The following CACNA2D3 variants were observed in gnomAD, a reference collection of about 807,000 sequenced individuals.
The protein encoded by CACNA2D3 is calcium voltage-gated channel auxiliary subunit alpha2delta 3.
CACNA2D3 carries 60 observed loss-of-function variants against 160.6 expected under a neutral mutation model. The ratio of observed to expected loss-of-function variants is 0.37; its 90% CI spans 0.30 to 0.46. CACNA2D3 has a LOEUF of 0.46. CACNA2D3 is among the 20% of genes least tolerant of loss of function. The pLI is 1.00. For missense variants in CACNA2D3, 1,205 were observed against 1,365.0 expected (o/e 0.88, Z 1.85); for synonymous variants, 558 against 492.9 (o/e 1.13, Z -1.75).
chr3:54,885,370 G>T (rs1307916566), intron 22 of CACNA2D3, 44 bp downstream of exon 22: 18 of 1,610,310 alleles, frequency 1.1e-5, no homozygotes, highest in Non-Finnish European at 1.5e-5. Context: ...ATCCTTCATT[G>T]CCCTCTTTGA....
intron 4 of CACNA2D3, among the ~76,000 whole-genome samples, chr3:54,463,506 T>G (rs954453958): frequency 5.9e-5 from 9 of 152,206 alleles, no homozygotes; most frequent in Non-Finnish European, 1.0e-4. Flanking sequence ...CTTCTCATCT[T>G]GCTTCATTTC....
At chr3:54,690,055 A>G (rs931729870) in intron 11 of CACNA2D3, among the ~76,000 whole-genome samples, 1 of 151,968 alleles carries the variant, frequency 6.6e-6, no homozygotes, top group African/African-American at 2.4e-5. Context: ...TGGTTGTATC[A>G]TCTGCTTGGG....
intron 4 of CACNA2D3, among the ~76,000 whole-genome samples, chr3:54,466,329 A>C (rs1011770987): frequency 1.3e-5 from 2 of 152,204 alleles, no homozygotes; most frequent in Admixed American, 6.5e-5. Context: ...AGAAGTCTCA[A>C]ATTAATTTTT....
chr3:54,445,881 T>A (rs903977831), intron 4 of CACNA2D3, among the ~76,000 whole-genome samples: 4 of 152,184 alleles, frequency 2.6e-5, no homozygotes, highest in African/African-American at 9.6e-5. Flanking sequence ...CTCATGAACT[T>A]GTCTCAGAGC....
At chr3:54,918,899 A>G (rs1700749948) in intron 27 of CACNA2D3, 1 of 1,517,628 alleles carries the variant, frequency 6.6e-7, no homozygotes, top group Admixed American at 2.2e-5. Context: ...CCCCCTTTAA[A>G]AAACAAAAGC....
intron 2 of CACNA2D3, among the ~76,000 whole-genome samples, chr3:54,317,593 A>G (rs111587436): frequency 5.9e-5 from 9 of 152,038 alleles, no homozygotes; most frequent in African/African-American, 1.9e-4. Context: ...GCTGGAGTGC[A>G]ATGGCGCGAT....
chr3:54,244,085 A>G (rs1467446827), intron 2 of CACNA2D3, among the ~76,000 whole-genome samples: 1 of 152,162 alleles, frequency 6.6e-6, no homozygotes, highest in Non-Finnish European at 1.5e-5. Context: ...CCTTCTCAAC[A>G]TAGAGCGATG....
At chr3:54,766,169 C>T (rs1364745549) in intron 13 of CACNA2D3, among the ~76,000 whole-genome samples, 1 of 152,020 alleles carries the variant, frequency 6.6e-6, no homozygotes, top group Non-Finnish European at 1.5e-5. Context: ...GCCAAAAACA[C>T]ATCATAAGCA....
chr3:54,687,121 C>T (rs138435679), intron 11 of CACNA2D3, among the ~76,000 whole-genome samples: 1,015 of 94,300 alleles, frequency 0.011, 30 homozygotes, highest in Non-Finnish European at 0.018. Context: ...TTTTCTTTTT[C>T]TTTTTTTTTT....
intron 35 of CACNA2D3, among the ~76,000 whole-genome samples, chr3:55,056,411 C>CG (rs1704361547): frequency 6.6e-6 from 1 of 152,064 alleles, no homozygotes. Flanking sequence ...TCCTTAAAAA[C>CG]TAAAAATAGA....
chr3:54,218,166 C>T, intron 2 of CACNA2D3, among the ~76,000 whole-genome samples: 1 of 152,180 alleles, frequency 6.6e-6, no homozygotes, highest in Non-Finnish European at 1.5e-5. Context: ...CTATCCCCTT[C>T]ACATCTCTTC....
chr3:54,636,492 TTA>T (rs1490848931), intron 10 of CACNA2D3, among the ~76,000 whole-genome samples: 1 of 151,882 alleles, frequency 6.6e-6, no homozygotes, highest in African/African-American at 2.4e-5. Context: ...ATTTTGGAAG[TTA>T]TGAGAAATGT....
At chr3:54,341,063 C>T (rs1048354773) in intron 3 of CACNA2D3, among the ~76,000 whole-genome samples, 1 of 152,228 alleles carries the variant, frequency 6.6e-6, no homozygotes, top group African/African-American at 2.4e-5. Flanking sequence ...TTGCCCTGGA[C>T]TTCTTCTGGT....
In CACNA2D3 at chr3:54,171,169, A is replaced by G. The variant is rs114921022; in HGVS notation, c.204+47575A>G. Among the ~76,000 whole-genome samples the G allele has an allele frequency of 8.1e-3, 420 of 51,964 alleles. 5 individuals are homozygous for G. The highest frequency in any genetic ancestry group is 0.022 in the African/African-American group (400 of 18,340). The allele number at this position is 51,964 out of a possible 152,430, so 34.1% of individuals were successfully genotyped here. On this transcript the variant is annotated intron_variant, in intron 2 of 37. Transcript: ENST00000474759. ...TTTTTTTTTTTTTTTAGGAATAGCT[A>G]GATGATCCGGGAAGTTGCTTACTGA...
intron 3 of CACNA2D3, among the ~76,000 whole-genome samples, chr3:54,345,845 T>A (rs11425380): frequency 0.12 from 18,073 of 151,128 alleles, 1,711 homozygotes; most frequent in African/African-American, 0.27. Context: ...TTTTTTTTTT[T>A]AAAAAAATTG....
intron 35 of CACNA2D3, among the ~76,000 whole-genome samples, chr3:55,022,360 C>G (rs994859889): frequency 1.1e-4 from 16 of 152,052 alleles, no homozygotes; most frequent in African/African-American, 3.9e-4. Flanking sequence ...TCATTTTGCA[C>G]TAGGATTTTG....
intron 27 of CACNA2D3, among the ~76,000 whole-genome samples, chr3:54,910,985 G>A (rs993943918): frequency 2.0e-5 from 3 of 152,060 alleles, no homozygotes; most frequent in African/African-American, 7.2e-5. Context: ...CACGTATCTT[G>A]TGCCCAATCC....
intron 2 of CACNA2D3, among the ~76,000 whole-genome samples, chr3:54,308,806 G>T (rs1703667248): frequency 6.6e-6 from 1 of 152,114 alleles, no homozygotes; most frequent in Non-Finnish European, 1.5e-5. Context: ...ATACATTATT[G>T]TTATTGTGGT....
At chr3:54,507,137 ATTCC>A (rs1475641130) in intron 5 of CACNA2D3, among the ~76,000 whole-genome samples, 2 of 151,608 alleles carry the variant, frequency 1.3e-5, no homozygotes, top group African/African-American at 2.4e-5. Context: ...CTCTCAACCT[ATTCC>A]TTCATTTCCA....
Sources: allele counts gnomAD v4.1 joint callset (sites outside exome capture counted in the v4.1 genomes callset), GRCh38; gene constraint gnomAD v4.1.1; transcripts MANE v1.5; gene names NCBI Gene and HGNC (gene_info 2026-07-23, HGNC 2026-07-21).